Variants in SURF4 observed in about 807,000 individuals in gnomAD.
SURF4 encodes surfeit 4, also known as surfeit locus protein 4.
A neutral mutation model predicts 30.0 loss-of-function variants in SURF4; 3 were observed. The observed-to-expected ratio is 0.10, with a 90% CI of 0.05 to 0.26. The LOEUF is 0.26. SURF4 is among the 10% of genes least tolerant of loss of function. The pLI, the probability that SURF4 is intolerant of heterozygous loss-of-function variation, is 1.00. For missense variants in SURF4, 217 were observed against 350.8 expected (o/e 0.62, Z 3.05); for synonymous variants, 143 against 139.9 (o/e 1.02, Z -0.16).
Position 133,363,909 on chromosome 9 carries a change from G to T in SURF4, c.544-150C>A. ...AGACGGCTGCTGGTGCAAGTAGGGA[G>T]ATAAAAGCCAAAGGGAGGCAGGAGG... On this transcript the variant is annotated intron_variant, in intron 5 of 5. Coordinates refer to ENST00000371989, the MANE Select transcript of SURF4 (RefSeq NM_033161.4). This position sits in a 1 kb window ranked among gnomAD's most constrained non-coding sequence, Gnocchi z 4.3. 2 of 985,572 alleles carry T rather than the reference G, an allele frequency of 2.0e-6. No individual in the cohort carries two copies. The highest frequency in any genetic ancestry group is 3.2e-6 in the Non-Finnish European group (2 of 629,844). The allele number at this position is 985,572 out of a possible 1,614,324, so 61.1% of individuals were successfully genotyped here.
At chr9:133,366,731 T>C in intron 2 of SURF4, 56 bp from the exon 3 acceptor site, 1 of 1,539,838 alleles carries the variant, frequency 6.5e-7, no homozygotes, top group Non-Finnish European at 8.9e-7. Flanking sequence ...CGGGGAGCAC[T>C]GTCTTGATAC....
chr9:133,372,874 G>A (rs1399402661), intron 1 of SURF4, among the ~76,000 whole-genome samples: 1 of 152,218 alleles, frequency 6.6e-6, no homozygotes, highest in African/African-American at 2.4e-5. Flanking sequence ...GCCTGCATCT[G>A]TCTGATTGGG....
rs1191847182 is a variant in SURF4 at position 133,363,412 on chromosome 9, G to A, written c.*81C>T. 1.9e-5 allele frequency: 30 copies of A among 1,608,564 alleles called. No individual in the cohort carries two copies. Among genetic ancestry groups the A allele is most frequent in the Non-Finnish European group, 2.5e-5 (29 of 1,175,578 alleles). The stretch of plus-strand genomic sequence containing the variant: ...GGGGAAGGGAAGAGGATACATAAAA[G>A]CTGGCAGTTTTGTTGAATCCACCCC... On this transcript the variant is annotated 3_prime_UTR_variant, in exon 6 of 6. Coordinates refer to ENST00000371989, the MANE Select transcript of SURF4 (RefSeq NM_033161.4). This position sits in a 1 kb window ranked among gnomAD's most constrained non-coding sequence, Gnocchi z 4.3.
chr9:133,366,125 T>G, intron 3 of SURF4, 97 bp from the exon 4 acceptor site: 1 of 1,281,328 alleles, frequency 7.8e-7, no homozygotes, highest in Non-Finnish European at 1.1e-6. Context: ...CAATGTCAGC[T>G]GGAGTCTAAA....
chr9:133,376,639 G>T (rs1006524501), upstream of SURF4: 7 of 1,328,376 alleles, frequency 5.3e-6, no homozygotes, highest in African/African-American at 9.2e-5. Flanking sequence ...CGGCGGTTCC[G>T]ACCGAGGGCG....
chr9:133,375,941 G>A lies in SURF4; in HGVS notation c.29C>T (p.Ala10Val). Residue 10 changes from alanine to valine, a missense_variant, in exon 1 of 6, where the codon GCC (alanine) becomes GTC (valine). By Grantham distance (64) the Ala-to-Val change is moderately conservative. Coordinates refer to ENST00000371989, the MANE Select transcript of SURF4 (RefSeq NM_033161.4). The part of the protein sequence containing the change: MGQNDLMGT[A>V]EDFADQFLRV... ...CCGCACCTGGTCGGCGAAGTCCTCG[G>A]CCGTGCCCATCAGGTCGTTCTGGCC... is the stretch of plus-strand genomic sequence containing the variant. 8.1e-7 allele frequency: 1 copy of A among 1,233,670 alleles called. No homozygotes were observed. Among genetic ancestry groups the A allele is most frequent in the Non-Finnish European group, 1.0e-6 (1 of 984,396 alleles). The allele number at this position is 1,233,670 out of a possible 1,614,324, so 76.4% of individuals were successfully genotyped here.
At position 133,362,444 on chromosome 9, in the gene SURF4, T is replaced by C. The variant is rs896720859; in HGVS notation, c.*1049A>G. On this transcript the variant is annotated 3_prime_UTR_variant, in exon 6 of 6. Coordinates refer to ENST00000371989, the MANE Select transcript of SURF4 (RefSeq NM_033161.4). ...CGGCATAGCAAACGGACAATCTGAG[T>C]GAGCGACAGCCTCAGGAAAGTGGTG... is the stretch of plus-strand genomic sequence containing the variant. The C allele has an allele frequency of 1.3e-5, 2 of 152,630 alleles. No homozygotes were observed. The highest frequency in any genetic ancestry group is 4.8e-5 in the African/African-American group (2 of 41,424). The allele number at this position is 152,630 out of a possible 1,614,324, so 9.5% of individuals were successfully genotyped here.
upstream of SURF4, chr9:133,376,707 G>A: frequency 1.5e-6 from 1 of 646,708 alleles, no homozygotes; most frequent in Non-Finnish European, 2.6e-6. Flanking sequence ...GAACCCGGGG[G>A]GCCTCCAACG....
At chr9:133,373,441 A>G (rs1026774585) in intron 1 of SURF4, among the ~76,000 whole-genome samples, 1 of 152,180 alleles carries the variant, frequency 6.6e-6, no homozygotes, top group African/African-American at 2.4e-5. Flanking sequence ...TGTCTCTACT[A>G]AAAACACAAA....
intron 5 of SURF4, 45 bp downstream of exon 5, chr9:133,364,795 C>T (rs2130109055): frequency 1.3e-4 from 207 of 1,602,378 alleles, no homozygotes; most frequent in Non-Finnish European, 7.3e-5. Context: ...GGAGGGACAG[C>T]ATTCACAGGA....
At chr9:133,377,623 A>C (rs1190410386), upstream of SURF4, among the ~76,000 whole-genome samples, 1 of 152,118 alleles carries the variant, frequency 6.6e-6, no homozygotes, top group African/African-American at 2.4e-5. Flanking sequence ...AGATAGCGCC[A>C]TTGGACTCCA....
In SURF4 at chr9:133,362,036, A is replaced by G. The variant is rs1417646756; in HGVS notation, c.*1457T>C. On this transcript the variant is annotated 3_prime_UTR_variant, in exon 6 of 6. Coordinates refer to ENST00000371989, the MANE Select transcript of SURF4 (RefSeq NM_033161.4). Reference sequence around the variant, plus strand: ...GGTAAGGAAGTAGGCTACCAGGGGAATATTTGCAAACGCGTTGGGACTAGT... The same window carrying G: ...GGTAAGGAAGTAGGCTACCAGGGGAGTATTTGCAAACGCGTTGGGACTAGT... 6.6e-6 allele frequency: 1 copy of G among 152,260 alleles called. No individual in the cohort carries two copies. The highest frequency in any genetic ancestry group is 1.5e-5 in the Non-Finnish European group (1 of 68,046). The allele number at this position is 152,260 out of a possible 1,614,324, so 9.4% of individuals were successfully genotyped here.
chr9:133,373,433 T>C (rs1373670460), intron 1 of SURF4, among the ~76,000 whole-genome samples: 3 of 151,618 alleles, frequency 2.0e-5, no homozygotes, highest in African/African-American at 7.3e-5. Flanking sequence ...CAAAATGCTG[T>C]CTCTACTAAA....
upstream of SURF4, chr9:133,376,154 C>G: frequency 3.3e-6 from 4 of 1,211,570 alleles, no homozygotes; most frequent in Non-Finnish European, 4.1e-6. Context: ...CCGGGCCCGC[C>G]CCGGTGCGTC....
In SURF4 at chr9:133,362,019, A is replaced by G. The variant is rs1836840385; in HGVS notation, c.*1474T>C. 6.6e-6 allele frequency: 1 copy of G among 152,246 alleles called. No individual in the cohort carries two copies. The highest frequency in any genetic ancestry group is 1.5e-5 in the Non-Finnish European group (1 of 68,054). 9.4% of individuals were successfully genotyped at this position (152,246 alleles called of 1,614,324 possible). A position where few individuals can be genotyped will look rare whatever the true frequency, so the allele number is the denominator to read the frequency against. ...TCTTACCAATATTCGGGGGTAAGGA[A>G]GTAGGCTACCAGGGGAATATTTGCA... On this transcript the variant is annotated 3_prime_UTR_variant, in exon 6 of 6. Coordinates refer to ENST00000371989, the MANE Select transcript of SURF4 (RefSeq NM_033161.4).
At chr9:133,375,396 A>G (rs1837830761) in intron 1 of SURF4, 1 of 985,654 alleles carries the variant, frequency 1.0e-6, no homozygotes, top group Non-Finnish European at 1.2e-6. Context: ...CATCTGGGAA[A>G]GAGAAAAGGA....
At chr9:133,364,690 CA>C (rs2130106812) in intron 5 of SURF4, 149 bp downstream of exon 5, 99,998 of 459,656 alleles carry the variant, frequency 0.22, 19 homozygotes, top group South Asian at 0.25. Flanking sequence ...GACTCCGTCT[CA>C]AAAAAAAAAA....
intron 1 of SURF4, among the ~76,000 whole-genome samples, chr9:133,371,489 T>C (rs1333720344): frequency 6.6e-6 from 1 of 152,212 alleles, no homozygotes; most frequent in African/African-American, 2.4e-5. Context: ...AAAAACTGTG[T>C]GATCAAAATC....
chr9:133,366,498 G>C (rs1837181731), intron 3 of SURF4, 101 bp downstream of exon 3: 9 of 1,299,810 alleles, frequency 6.9e-6, no homozygotes, highest in Non-Finnish European at 9.9e-6. Flanking sequence ...ACATGCAGGG[G>C]GCTGAAGGGG....
Sources: gnomAD v4.1 joint callset for allele counts (sites outside exome capture counted in the v4.1 genomes callset) on GRCh38, gnomAD v4.1.1 for gene constraint, Gnocchi (gnomAD v3.1) non-coding constraint, MANE v1.5 for transcripts, NCBI Gene and HGNC (gene_info 2026-07-23, HGNC 2026-07-21) for gene names.